Variants in VPS13B observed in about 807,000 individuals in gnomAD.
VPS13B encodes intermembrane lipid transfer protein VPS13B.
A neutral mutation model predicts 426.4 loss-of-function variants in VPS13B; 285 were observed. That is an observed-to-expected ratio of 0.67 (90% confidence interval 0.61 to 0.74). The LOEUF is 0.74. VPS13B is among the 30% of genes least tolerant of loss of function. The pLI, the probability that VPS13B is intolerant of heterozygous loss-of-function variation, is 0.00. For missense variants in VPS13B, 4,537 were observed against 4,782.6 expected, an observed-to-expected ratio of 0.95 and a Z score of 1.51; for synonymous variants, 1,676 against 1,676.4, an observed-to-expected ratio of 1.00 and a Z score of 0.01.
chr8:99,116,519 G>A (rs1388621812), intron 7 of VPS13B, among the ~76,000 whole-genome samples: 1 of 152,082 alleles, frequency 6.6e-6, no homozygotes, highest in South Asian at 2.1e-4. Flanking sequence ...CTGCAGCCGC[G>A]ACCTCCCAGG....
At chr8:99,670,489 G>T (rs1830668462) in intron 35 of VPS13B, among the ~76,000 whole-genome samples, 1 of 151,936 alleles carries the variant, frequency 6.6e-6, no homozygotes, top group African/African-American at 2.4e-5. Context: ...TTTGTGGTGA[G>T]AACCCATAAG....
intron 36 of VPS13B, among the ~76,000 whole-genome samples, chr8:99,709,960 C>G (rs1181837548): frequency 1.3e-5 from 2 of 152,090 alleles, no homozygotes; most frequent in Admixed American, 6.6e-5. Context: ...AAAATTGTTT[C>G]AGAATTTAAA....
rs780369085 is a variant in VPS13B, at chr8:99,641,768, G to C, written c.5221-43G>C. Reference sequence around the variant, plus strand: ...TATAACATTGTTTATATGACACTTGGCATGTAACTAGTTTGAAATATTTTA... The same window carrying C: ...TATAACATTGTTTATATGACACTTGCCATGTAACTAGTTTGAAATATTTTA... On this transcript the variant is annotated intron_variant, in intron 33 of 61. Transcript: ENST00000357162. 214 of 1,550,188 alleles carry C rather than the reference G, an allele frequency of 1.4e-4. 1 individual carries two copies. In the South Asian group the frequency reaches 1.4e-3, roughly 10 times the overall value.
At chr8:99,177,502 TCCC>T (rs775920447) in intron 16 of VPS13B, among the ~76,000 whole-genome samples, 1 of 152,220 alleles carries the variant, frequency 6.6e-6, no homozygotes, top group Non-Finnish European at 1.5e-5. Context: ...TTAGATTTTT[TCCC>T]TTTAATTTTT....
intron 22 of VPS13B, among the ~76,000 whole-genome samples, chr8:99,436,117 G>A (rs1015624072): frequency 1.3e-5 from 2 of 152,054 alleles, no homozygotes; most frequent in Non-Finnish European, 2.9e-5. Context: ...AAACCAGAGA[G>A]TTCATGAAAG....
chr8:99,273,159 GTT>G (rs757322206), intron 17 of VPS13B, among the ~76,000 whole-genome samples: 8 of 129,412 alleles, frequency 6.2e-5, no homozygotes, highest in African/African-American at 8.5e-5. Flanking sequence ...TACTCAGGTA[GTT>G]TTTTTTTTTT....
chr8:99,562,334 G>A (rs1430940455), intron 31 of VPS13B, among the ~76,000 whole-genome samples: 1 of 150,490 alleles, frequency 6.6e-6, no homozygotes, highest in East Asian at 2.0e-4. Context: ...AGGTTGGAGT[G>A]CAGTGGTATG....
At chr8:99,623,888 A>G (rs1828473492) in intron 33 of VPS13B, among the ~76,000 whole-genome samples, 1 of 151,850 alleles carries the variant, frequency 6.6e-6, no homozygotes, top group African/African-American at 2.4e-5. Context: ...GTACTCATTT[A>G]TCATCATAAG....
chr8:99,409,640 A>G (rs1815515869), intron 21 of VPS13B, among the ~76,000 whole-genome samples: 1 of 152,166 alleles, frequency 6.6e-6, no homozygotes, highest in Admixed American at 6.6e-5. Flanking sequence ...CCACAAAATA[A>G]CCAAGGATCA....
In VPS13B at chr8:99,870,795, T is replaced by C. The variant is rs769209653; in HGVS notation, c.11403T>C (p.His3801=). 4 of 1,614,102 alleles carry C rather than the reference T, an allele frequency of 2.5e-6. No individual in the cohort carries two copies. Among genetic ancestry groups the C allele is most frequent in the East Asian group, 4.5e-5 (2 of 44,902 alleles). The change falls in exon 60 of 62, where the codon CAT becomes CAC. Residue 3801 remains histidine, a synonymous_variant. Transcript: ENST00000357162. ...LVSQTGYGIL[H]GAGLSQLPKQ... ...CTTCTCTTACCACAGGTATTTTACATGGAGCTGGACTTTCTCAGCTTCCCA... is the reference window on the plus strand; with the variant it reads ...CTTCTCTTACCACAGGTATTTTACACGGAGCTGGACTTTCTCAGCTTCCCA...
intron 24 of VPS13B, among the ~76,000 whole-genome samples, chr8:99,477,015 A>G (rs1380819871): frequency 6.6e-6 from 1 of 152,168 alleles, no homozygotes; most frequent in African/African-American, 2.4e-5. Flanking sequence ...GTTAATTCAT[A>G]TCATTTAGCC....
chr8:99,872,509 G>C (rs1164818765), intron 61 of VPS13B, among the ~76,000 whole-genome samples: 5 of 152,202 alleles, frequency 3.3e-5, no homozygotes, highest in African/African-American at 1.2e-4. Flanking sequence ...AGAGTCAAGG[G>C]GGAGCCCCAA....
chr8:99,133,306 T>A (rs1313147480), intron 8 of VPS13B, among the ~76,000 whole-genome samples: 1 of 152,220 alleles, frequency 6.6e-6, no homozygotes, highest in Non-Finnish European at 1.5e-5. Context: ...TTCTTACGTC[T>A]ATTAGCCTAC....
chr8:99,868,998 C>T (rs1015369742), intron 59 of VPS13B, among the ~76,000 whole-genome samples: 3 of 152,336 alleles, frequency 2.0e-5, no homozygotes, highest in East Asian at 1.9e-4. Flanking sequence ...AAGTGCGTGG[C>T]GCATGGCAGT....
intron 3 of VPS13B, among the ~76,000 whole-genome samples, chr8:99,093,569 C>T (rs951726034): frequency 6.7e-6 from 1 of 149,280 alleles, no homozygotes; most frequent in African/African-American, 2.5e-5. Context: ...GCGATGTTCC[C>T]CTTCCTGTGT....
intron 31 of VPS13B, among the ~76,000 whole-genome samples, chr8:99,562,862 G>A (rs1259281562): frequency 6.6e-6 from 1 of 152,024 alleles, no homozygotes; most frequent in Non-Finnish European, 1.5e-5. Context: ...GCTGTGTGTG[G>A]TCAAAAATTA....
chr8:99,428,327 A>G (rs1032999931), intron 21 of VPS13B, among the ~76,000 whole-genome samples: 3 of 152,194 alleles, frequency 2.0e-5, no homozygotes, highest in Admixed American at 6.5e-5. Context: ...CAGCAAAAGA[A>G]ACTACCATCA....
chr8:99,326,451 G>A (rs1340923332), intron 19 of VPS13B, among the ~76,000 whole-genome samples: 1 of 19,748 alleles, frequency 5.1e-5, no homozygotes, highest in Non-Finnish European at 1.0e-4. Context: ...TCTCTAGGTA[G>A]CTTTTTTTTT....
chr8:99,776,634 G>A, intron 40 of VPS13B, 141 bp from the exon 41 acceptor site: 1 of 844,360 alleles, frequency 1.2e-6, no homozygotes, highest in Non-Finnish European at 1.9e-6. Context: ...AATTTACATA[G>A]GAAAATACAG....
Sources: gnomAD v4.1 joint callset for allele counts (sites outside exome capture counted in the v4.1 genomes callset) on GRCh38, gnomAD v4.1.1 for gene constraint, MANE v1.5 for transcripts, NCBI Gene and HGNC (gene_info 2026-07-23, HGNC 2026-07-21) for gene names.